LIMA1: variants seen among roughly 807,000 people sequenced by gnomAD.
LIMA1 encodes LIM domain and actin-binding protein 1.
Under a neutral mutation model 62.6 loss-of-function variants are expected in LIMA1, and 52 were observed. That is an observed-to-expected ratio of 0.83 (90% confidence interval 0.67 to 1.05). The LOEUF (loss-of-function observed/expected upper bound fraction) is 1.05, where lower values mean the gene tolerates loss of function less well. Among genes scored for constraint, LIMA1 ranks in the 50% least tolerant of loss-of-function variants. LIMA1 has a pLI of 0.00. For missense variants in LIMA1, 780 were observed against 902.2 expected (o/e 0.86, Z 1.74); for synonymous variants, 302 against 317.8 (o/e 0.95, Z 0.53).
In LIMA1 at chr12:50,249,235, G is replaced by A. The variant is rs529724620; in HGVS notation, c.-23-461C>T. On this transcript the variant is annotated intron_variant, in intron 1 of 10. Transcript: ENST00000341247. ...CACTCAGTGCCAGGGAGAGAGCTGG[G>A]GGCGCAGCGTGGTGTAATAGGAAGA... Among the ~76,000 whole-genome samples the A allele has an allele frequency of 4.6e-5, 7 of 152,294 alleles. 1 individual carries two copies. The South Asian group carries it at 1.0e-3, about 23-fold the overall frequency.
chr12:50,189,635 A>T (rs556801485), intron 9 of LIMA1: 1 of 152,334 alleles, frequency 6.6e-6, no homozygotes, highest in South Asian at 2.1e-4. Context: ...CATTTTTAAT[A>T]AACATTTTTT....
intron 10 of LIMA1, among the ~76,000 whole-genome samples, chr12:50,180,352 G>A (rs1329771561): frequency 6.6e-6 from 1 of 151,250 alleles, no homozygotes; most frequent in Non-Finnish European, 1.5e-5. Flanking sequence ...GTGCCCGCCT[G>A]TAATCCCAGC....
intron 4 of LIMA1, chr12:50,217,721 C>T (rs1188922384): frequency 1.7e-5 from 5 of 289,992 alleles, no homozygotes; most frequent in Middle Eastern, 1.4e-3. Flanking sequence ...GGAAGGTGTT[C>T]GATCCTTGTG....
intron 1 of LIMA1, among the ~76,000 whole-genome samples, chr12:50,271,556 C>T (rs1942212406): frequency 6.6e-6 from 1 of 152,042 alleles, no homozygotes; most frequent in Non-Finnish European, 1.5e-5. Context: ...TAAGAAAAAT[C>T]TCTTTCAGTA....
intron 8 of LIMA1, 57 bp downstream of exon 8, chr12:50,195,773 C>T (rs971391390): frequency 6.5e-7 from 1 of 1,545,792 alleles, no homozygotes; most frequent in Non-Finnish European, 8.7e-7. Context: ...CACCCCTGAA[C>T]CAAATACAGA....
At chr12:50,282,221 G>A (rs1018656485) in intron 1 of LIMA1, among the ~76,000 whole-genome samples, 4 of 152,104 alleles carry the variant, frequency 2.6e-5, no homozygotes, top group Non-Finnish European at 5.9e-5. Context: ...GTTGTTAGGG[G>A]TCATGTTCTT....
chr12:50,243,380 A>T (rs531282890), intron 2 of LIMA1, among the ~76,000 whole-genome samples: 2 of 152,312 alleles, frequency 1.3e-5, no homozygotes, highest in East Asian at 3.9e-4. Flanking sequence ...AACCCCATAA[A>T]TATAAAGCCA....
chr12:50,250,522 C>T (rs1041757689), intron 1 of LIMA1, among the ~76,000 whole-genome samples: 3 of 142,792 alleles, frequency 2.1e-5, no homozygotes, highest in Non-Finnish European at 4.5e-5. Context: ...CTATGAATTG[C>T]GCCACTGGAC....
At chr12:50,280,144 ATTTTTTTTT>A (rs71441354) in intron 1 of LIMA1, among the ~76,000 whole-genome samples, 1,059 of 68,318 alleles carry the variant, frequency 0.016, 16 homozygotes, top group African/African-American at 0.055. Flanking sequence ...GGGTAGTAGT[ATTTTTTTTT>A]TTTTTTTTTT....
chr12:50,192,396 A>G lies in LIMA1; in HGVS notation c.1140+56T>C, dbSNP rs528738134. On this transcript the variant is annotated intron_variant, in intron 9 of 10. Coordinates refer to ENST00000341247, the MANE Select transcript of LIMA1 (RefSeq NM_016357.5). ...CAACATCATCATCATAAAAGGTACA[A>G]TTAGCTCTACCAGTAGACCAATGTC... 6.0e-6 allele frequency: 7 copies of G among 1,165,394 alleles called. No individual in the cohort carries two copies. The East Asian group carries it at 1.6e-4, about 27-fold the overall frequency. The allele number at this position is 1,165,394 out of a possible 1,614,324, so 72.2% of individuals were successfully genotyped here.
chr12:50,200,028 G>A (rs537153174), intron 7 of LIMA1, among the ~76,000 whole-genome samples: 1 of 151,866 alleles, frequency 6.6e-6, no homozygotes, highest in South Asian at 2.1e-4. Context: ...TGAGTATCTG[G>A]GATTACAGGC....
intron 1 of LIMA1, among the ~76,000 whole-genome samples, chr12:50,252,579 CAAAAAAAAAAAAA>C (rs397936373): frequency 1.7e-5 from 1 of 59,018 alleles, no homozygotes; most frequent in South Asian, 7.7e-4. Context: ...GAAACTGTCT[CAAAAAAAAAAAAA>C]AAAAAAAAAA....
intron 2 of LIMA1, among the ~76,000 whole-genome samples, chr12:50,241,577 A>G (rs1169770557): frequency 6.6e-6 from 1 of 152,210 alleles, no homozygotes; most frequent in African/African-American, 2.4e-5. Context: ...GCTGTCTTTA[A>G]TCCTGTTCTC....
intron 1 of LIMA1, among the ~76,000 whole-genome samples, chr12:50,268,972 G>C (rs1398403480): frequency 6.6e-6 from 1 of 152,060 alleles, no homozygotes; most frequent in Non-Finnish European, 1.5e-5. Flanking sequence ...AATATTAAAG[G>C]CTGGGCCAGA....
intron 4 of LIMA1, among the ~76,000 whole-genome samples, chr12:50,207,518 C>T (rs1941175382): frequency 6.6e-6 from 1 of 152,174 alleles, no homozygotes; most frequent in Non-Finnish European, 1.5e-5. Flanking sequence ...AAACACTTAG[C>T]ACCCTTTTGA....
At chr12:50,249,231 C>A (rs1423542883) in intron 1 of LIMA1, among the ~76,000 whole-genome samples, 1 of 152,190 alleles carries the variant, frequency 6.6e-6, no homozygotes, top group Non-Finnish European at 1.5e-5. Context: ...AGGGAGAGAG[C>A]TGGGGGCGCA....
intron 1 of LIMA1, among the ~76,000 whole-genome samples, chr12:50,275,389 C>T (rs1343745041): frequency 1.3e-5 from 2 of 151,630 alleles, no homozygotes; most frequent in Non-Finnish European, 2.9e-5. Flanking sequence ...AAAATGAGTT[C>T]TTAATTGTTT....
chr12:50,246,568 C>T (rs1422030071), intron 2 of LIMA1, among the ~76,000 whole-genome samples: 1 of 152,120 alleles, frequency 6.6e-6, no homozygotes, highest in Admixed American at 6.6e-5. Flanking sequence ...TGCCAGAAGG[C>T]TTTTTCTAAA....
At chr12:50,235,781 T>C (rs1170281270) in intron 2 of LIMA1, among the ~76,000 whole-genome samples, 1 of 152,156 alleles carries the variant, frequency 6.6e-6, no homozygotes, top group African/African-American at 2.4e-5. Flanking sequence ...GCAACTTATA[T>C]TACAGACAAA....
Sources: gnomAD v4.1 joint callset for allele counts (sites outside exome capture counted in the v4.1 genomes callset) on GRCh38, gnomAD v4.1.1 for gene constraint, MANE v1.5 for transcripts, NCBI Gene and HGNC (gene_info 2026-07-23, HGNC 2026-07-21) for gene names.